Variants in GRIA3 observed in about 807,000 individuals in gnomAD.
GRIA3 encodes glutamate receptor 3.
GRIA3 carries 3 observed loss-of-function variants against 63.0 expected under a neutral mutation model. The ratio of observed to expected loss-of-function variants is 0.05; its 90% CI spans 0.02 to 0.12. The LOEUF is 0.12. Ranked by LOEUF, GRIA3 falls within the 10% of genes least tolerant of loss-of-function variation. The pLI, the probability that GRIA3 is intolerant of heterozygous loss-of-function variation, is 1.00. For missense variants in GRIA3, 347 were observed against 700.9 expected (o/e 0.50, Z 5.70); for synonymous variants, 274 against 257.9 (o/e 1.06, Z -0.60).
At chrX:123,233,107 C>T (rs1242624123) in intron 2 of GRIA3, among the ~76,000 whole-genome samples, 1 of 110,639 alleles carries the variant, frequency 9.0e-6, no homozygotes, top group Non-Finnish European at 1.9e-5. Flanking sequence ...AAGCAGTCTT[C>T]TTCTAGAGTC....
chrX:123,280,635 G>A (rs1290309334), intron 3 of GRIA3, among the ~76,000 whole-genome samples: 9 of 111,480 alleles, frequency 8.1e-5, no homozygotes, highest in Admixed American at 4.8e-4. Context: ...TTGAATCTTC[G>A]GTACTTGAGG....
intron 7 of GRIA3, among the ~76,000 whole-genome samples, chrX:123,400,348 A>C (rs759332724): frequency 9.0e-6 from 1 of 111,541 alleles, no homozygotes; most frequent in South Asian, 3.8e-4. Context: ...AACCAAAACA[A>C]TACATTACCT....
At chrX:123,352,518 C>T (rs1339336776) in intron 4 of GRIA3, among the ~76,000 whole-genome samples, 1 of 111,916 alleles carries the variant, frequency 8.9e-6, no homozygotes, top group African/African-American at 3.2e-5. Flanking sequence ...GACTGGGGTC[C>T]TGGGTTCTCA....
In GRIA3 at chrX:123,488,733, T is replaced by C. The variant is rs1356943477; in HGVS notation, c.*23T>C. 3 of 111,602 alleles carry C rather than the reference T, an allele frequency of 2.7e-5. No individual in the cohort carries two copies. Among genetic ancestry groups the C allele is most frequent in the Non-Finnish European group, 3.8e-5 (2 of 53,102 alleles). The allele number at this position is 111,602 out of a possible 1,213,427, so 9.2% of individuals were successfully genotyped here. On this transcript the variant is annotated 3_prime_UTR_variant, in exon 16 of 16. Coordinates refer to ENST00000620443, the MANE Select transcript of GRIA3 (RefSeq NM_007325.5). Reference sequence around the variant, plus strand: ...TGCAGATCCCTTCCCACTGGAGGCATGTGATGAGAGGAAATCACCGAAAAC... The same window carrying C: ...TGCAGATCCCTTCCCACTGGAGGCACGTGATGAGAGGAAATCACCGAAAAC...
intron 6 of GRIA3, 46 bp downstream of exon 6, chrX:123,395,175 G>A (rs2045407132): frequency 9.8e-7 from 1 of 1,025,518 alleles, no homozygotes; most frequent in Non-Finnish European, 1.4e-6. Flanking sequence ...GCTTTTCAAA[G>A]TATCTCAGTA....
chrX:123,385,215 A>G (rs1449637742), intron 5 of GRIA3, among the ~76,000 whole-genome samples: 1 of 112,098 alleles, frequency 8.9e-6, no homozygotes. Flanking sequence ...TCTTCTGCAC[A>G]TGGCTAGCCA....
chrX:123,254,612 T>C (rs995981321), intron 3 of GRIA3, among the ~76,000 whole-genome samples: 6 of 112,116 alleles, frequency 5.4e-5, no homozygotes, highest in African/African-American at 1.9e-4. Flanking sequence ...GCCATTTTGC[T>C]CTTGGGAATC....
chrX:123,354,031 T>C (rs920033695), intron 4 of GRIA3, among the ~76,000 whole-genome samples: 7 of 112,292 alleles, frequency 6.2e-5, no homozygotes, highest in African/African-American at 2.3e-4. Context: ...CTTCGTGAAC[T>C]GTACAAAGTA....
chrX:123,460,469 A>T (rs1310193308), intron 12 of GRIA3, among the ~76,000 whole-genome samples: 1 of 112,002 alleles, frequency 8.9e-6, no homozygotes, highest in Admixed American at 9.5e-5. Context: ...AGAGCCCTTC[A>T]AAAGGGGTTG....
chrX:123,185,306 G>C (rs1188889775), intron 1 of GRIA3, among the ~76,000 whole-genome samples: 2 of 111,625 alleles, frequency 1.8e-5, no homozygotes, highest in Admixed American at 1.9e-4. Context: ...CGCCTGGAGG[G>C]AGTTATCTTG....
chrX:123,379,588 T>C (rs1227684210), intron 5 of GRIA3, among the ~76,000 whole-genome samples: 1 of 108,696 alleles, frequency 9.2e-6, no homozygotes, highest in Admixed American at 1.0e-4. Flanking sequence ...TTGCCAACTA[T>C]GGTTGTACAT....
chrX:123,441,666 C>T (rs2045674637), intron 12 of GRIA3, among the ~76,000 whole-genome samples: 1 of 111,642 alleles, frequency 9.0e-6, no homozygotes, highest in African/African-American at 3.3e-5. Context: ...AAAGCAACCT[C>T]ATTACATTAG....
intron 15 of GRIA3, among the ~76,000 whole-genome samples, chrX:123,486,161 AAGGGAGGG>A (rs202054139): frequency 1.2e-5 from 1 of 86,169 alleles, no homozygotes; most frequent in Non-Finnish European, 2.3e-5. Context: ...GGAAAGAAGA[AAGGGAGGG>A]AGGGAGGGAG....
At chrX:123,354,762 G>A (rs2045122025) in intron 4 of GRIA3, 148 bp from the exon 5 acceptor site, 5 of 521,024 alleles carry the variant, frequency 9.6e-6, no homozygotes, top group Admixed American at 2.5e-5. Context: ...AGTTGAAAGC[G>A]AAATGCAACA....
At chrX:123,463,714 AAGAAAGAAAG>A (rs1206441733) in intron 12 of GRIA3, among the ~76,000 whole-genome samples, 2 of 102,587 alleles carry the variant, frequency 1.9e-5, no homozygotes, top group African/African-American at 8.0e-5. Context: ...GAAAGAAAGA[AAGAAAGAAAG>A]AGAAAGAAGA....
At chrX:123,326,759 C>CAG (rs752985141) in intron 4 of GRIA3, among the ~76,000 whole-genome samples, 14 of 109,242 alleles carry the variant, frequency 1.3e-4, no homozygotes, top group South Asian at 7.7e-4. Context: ...CCCTCTGGAT[C>CAG]AGAGAGAGAG....
intron 3 of GRIA3, among the ~76,000 whole-genome samples, chrX:123,282,238 C>T (rs776694063): frequency 1.8e-5 from 2 of 112,175 alleles, no homozygotes; most frequent in South Asian, 7.4e-4. Flanking sequence ...AGAATATATG[C>T]ATGAAAGAAA....
chrX:123,456,320 G>C (rs514476), intron 12 of GRIA3, among the ~76,000 whole-genome samples: 38,740 of 109,482 alleles, frequency 0.35, 5,351 homozygotes, highest in African/African-American at 0.46. Flanking sequence ...AAGCTTTATG[G>C]AAATATAAAG....
intron 2 of GRIA3, among the ~76,000 whole-genome samples, chrX:123,250,248 T>C (rs2044381809): frequency 9.0e-6 from 1 of 111,337 alleles, no homozygotes; most frequent in African/African-American, 3.3e-5. Flanking sequence ...TTTATAGGTG[T>C]TCATTATAGT....
Sources: gnomAD v4.1 joint callset for allele counts (sites outside exome capture counted in the v4.1 genomes callset) on GRCh38, gnomAD v4.1.1 for gene constraint, MANE v1.5 for transcripts, NCBI Gene and HGNC (gene_info 2026-07-23, HGNC 2026-07-21) for gene names.